SNUPN: variants seen among roughly 807,000 people sequenced by gnomAD.
SNUPN encodes snurportin-1.
Under a neutral mutation model 39.2 loss-of-function variants are expected in SNUPN, and 31 were observed. That is an observed-to-expected ratio of 0.79 (90% confidence interval 0.59 to 1.07). SNUPN has a LOEUF of 1.07. Among genes scored for constraint, SNUPN ranks in the 50% least tolerant of loss-of-function variants. SNUPN has a pLI of 0.00. For synonymous variants in SNUPN, 132 were observed against 159.0 expected (o/e 0.83, Z 1.28); for missense variants, 382 against 434.2 (o/e 0.88, Z 1.07).
At position 75,598,304 on chromosome 15, in the gene SNUPN, G is replaced by T; in HGVS notation, c.*54C>A. 2.8e-6 allele frequency: 4 copies of T among 1,444,130 alleles called. No individual in the cohort carries two copies. Among genetic ancestry groups the T allele is most frequent in the South Asian group, 1.3e-5 (1 of 77,424 alleles). 89.5% of individuals were successfully genotyped at this position (1,444,130 alleles called of 1,614,324 possible). A position where few individuals can be genotyped will look rare whatever the true frequency, so the allele number is the denominator to read the frequency against. On this transcript the variant is annotated 3_prime_UTR_variant, in exon 9 of 9. Transcript: ENST00000308588. The stretch of plus-strand genomic sequence containing the variant: ...CTGTTGTCACTGTCCTCCTCTCCAG[G>T]ATTCCTTTTGGGGCCAGGTACCATC...
At chr15:75,626,336 C>T (rs1893227173), upstream of SNUPN, 1 of 152,172 alleles carries the variant, frequency 6.6e-6, no homozygotes, top group Non-Finnish European at 1.5e-5. Context: ...ATTTAAGTAG[C>T]CAGAGTCCAG....
intron 1 of SNUPN, among the ~76,000 whole-genome samples, chr15:75,622,148 A>T (rs779907859): frequency 7.9e-5 from 12 of 152,234 alleles, no homozygotes; most frequent in Non-Finnish European, 1.6e-4. Context: ...GGATCACTTG[A>T]GGCCAGTAGT....
At chr15:75,603,287 T>TG (rs1197181670) in intron 7 of SNUPN, among the ~76,000 whole-genome samples, 341 of 147,310 alleles carry the variant, frequency 2.3e-3, no homozygotes, top group African/African-American at 8.2e-3. Flanking sequence ...GACCTCGTGA[T>TG]TCGCCTGTCT....
At chr15:75,611,495 G>T (rs1461123462) in intron 3 of SNUPN, among the ~76,000 whole-genome samples, 1 of 151,266 alleles carries the variant, frequency 6.6e-6, no homozygotes. Context: ...CTCGTGATCC[G>T]CCCGCCTCGG....
At position 75,625,712 on chromosome 15, in the gene SNUPN, G is replaced by C. The variant is rs564311032; in HGVS notation, c.-52C>G. On this transcript the variant is annotated 5_prime_UTR_variant, in exon 1 of 9. Transcript: ENST00000308588. ...ACGCGCCGCCGCCACCGGGGCCGAC[G>C]AATCACCTGCCCTGGGAAGCTAGGT... 1 of 152,190 alleles carries C rather than the reference G, an allele frequency of 6.6e-6. No individual in the cohort carries two copies. Among genetic ancestry groups the C allele is most frequent in the Non-Finnish European group, 1.5e-5 (1 of 68,118 alleles). 9.4% of individuals were successfully genotyped at this position (152,190 alleles called of 1,614,324 possible).
intron 7 of SNUPN, among the ~76,000 whole-genome samples, chr15:75,603,977 C>T (rs570820852): frequency 2.0e-4 from 30 of 152,188 alleles, no homozygotes; most frequent in African/African-American, 6.7e-4. Context: ...ATATCTACTT[C>T]GTAGGGTTAC....
intron 3 of SNUPN, among the ~76,000 whole-genome samples, chr15:75,611,886 T>A (rs1005698229): frequency 6.6e-6 from 1 of 152,084 alleles, no homozygotes; most frequent in Non-Finnish European, 1.5e-5. Context: ...AGCATTTCTG[T>A]TGAGCTACTC....
chr15:75,619,998 C>T (rs1402285911), intron 2 of SNUPN, among the ~76,000 whole-genome samples: 1 of 152,188 alleles, frequency 6.6e-6, no homozygotes, highest in African/African-American at 2.4e-5. Flanking sequence ...ATCCACCCAC[C>T]TCGGCCACCC....
intron 5 of SNUPN, 118 bp downstream of exon 5, chr15:75,609,440 C>T (rs113389510): frequency 3.6e-5 from 26 of 731,670 alleles, no homozygotes; most frequent in East Asian, 1.0e-4. Flanking sequence ...CCACCCGCCT[C>T]GGCCTCCCAA....
chr15:75,622,146 T>C (rs747772849), intron 1 of SNUPN, among the ~76,000 whole-genome samples: 1 of 152,234 alleles, frequency 6.6e-6, no homozygotes, highest in Non-Finnish European at 1.5e-5. Flanking sequence ...GAGGATCACT[T>C]GAGGCCAGTA....
chr15:75,600,902 G>A (rs1366277627), intron 8 of SNUPN: 3 of 427,240 alleles, frequency 7.0e-6, no homozygotes, highest in Non-Finnish European at 1.3e-5. Flanking sequence ...TGTAAGATGA[G>A]GGAGTTGGAC....
chr15:75,617,398 G>A lies in SNUPN; in HGVS notation c.303+10C>T, dbSNP rs778092044. 4.3e-6 allele frequency: 7 copies of A among 1,612,150 alleles called. No individual in the cohort carries two copies. The highest frequency in any genetic ancestry group is 5.1e-6 in the Non-Finnish European group (6 of 1,179,274). Reference sequence around the variant, plus strand: ...GATTAGCTGGGTCTCATCTTCTCTGGACCACTTACTTGATTAGCATAGTGT... The same window carrying A: ...GATTAGCTGGGTCTCATCTTCTCTGAACCACTTACTTGATTAGCATAGTGT... On this transcript the variant is annotated intron_variant, in intron 3 of 8. Transcript: ENST00000308588.
At chr15:75,605,305 ATTTTTTTTT>A (rs372246427) in intron 6 of SNUPN, 78 bp from the exon 7 acceptor site, 3 of 541,060 alleles carry the variant, frequency 5.5e-6, no homozygotes, top group Admixed American at 7.3e-5. Context: ...ACCCCATGCT[ATTTTTTTTT>A]TTTTTTTTTT....
Position 75,610,886 on chromosome 15 carries a change from T to C in SNUPN, c.304-892A>G, listed in dbSNP as rs563954168. Reference sequence around the variant, plus strand: ...TTCCATCTGTAAAGACTTTGTCCCATGGGCTGGGCGAGGTGGCTCACGCCT... The same window carrying C: ...TTCCATCTGTAAAGACTTTGTCCCACGGGCTGGGCGAGGTGGCTCACGCCT... On this transcript the variant is annotated intron_variant, in intron 3 of 8. Coordinates refer to ENST00000308588, the MANE Select transcript of SNUPN (RefSeq NM_005701.4). 5.9e-5 allele frequency among the ~76,000 whole-genome samples: 9 copies of C among 152,264 alleles called. No individual in the cohort carries two copies. In the East Asian group the frequency reaches 1.7e-3, roughly 29 times the overall value.
chr15:75,616,353 G>A (rs926126840), intron 3 of SNUPN, among the ~76,000 whole-genome samples: 15 of 151,976 alleles, frequency 9.9e-5, no homozygotes, highest in African/African-American at 3.1e-4. Flanking sequence ...AGCTACTCGG[G>A]AGGCTGAAAC....
Position 75,607,416 on chromosome 15 carries a change from C to A in SNUPN, c.503-103G>T, listed in dbSNP as rs906244568. 6 of 755,936 alleles carry A rather than the reference C, an allele frequency of 7.9e-6. No homozygotes were observed. In the African/African-American group the frequency reaches 1.0e-4, roughly 13 times the overall value. 46.8% of individuals were successfully genotyped at this position (755,936 alleles called of 1,614,324 possible). On this transcript the variant is annotated intron_variant, in intron 5 of 8. Transcript: ENST00000308588. ...ATCCCAGAGGCTTGAGTCCAACAAT[C>A]CTCAGTGCTTGCAGCAGTCACTGGC...
chr15:75,600,239 T>G (rs1350390656), intron 8 of SNUPN, among the ~76,000 whole-genome samples: 2 of 151,620 alleles, frequency 1.3e-5, no homozygotes, highest in African/African-American at 4.8e-5. Context: ...ACAAGACTGT[T>G]GAGGACTGGG....
In SNUPN at chr15:75,620,922, G is replaced by A. The variant is rs145457423; in HGVS notation, c.130C>T (p.Arg44Cys). 6.7e-5 allele frequency: 108 copies of A among 1,613,412 alleles called. No individual in the cohort carries two copies. Among genetic ancestry groups the A allele is most frequent in the Non-Finnish European group, 8.5e-5 (100 of 1,179,888 alleles). Residue 44 changes from arginine to cysteine, a missense_variant, in exon 2 of 9, where the codon CGC becomes TGC. Transcript: ENST00000308588. ...TTCTGCAGTTCCAGTAACCTCCGGC[G>A]GCGCTCACTCTGCTCCAAGGAACTG... is the stretch of plus-strand genomic sequence containing the variant. ...KYSSLEQSER[R>C]RRLLELQKSK...
chr15:75,603,469 T>G (rs1745133462), intron 7 of SNUPN, among the ~76,000 whole-genome samples: 1 of 147,678 alleles, frequency 6.8e-6, no homozygotes, highest in Non-Finnish European at 1.5e-5. Flanking sequence ...ACACCATCCT[T>G]GCTAACACAG....
Sources: allele counts gnomAD v4.1 joint callset (sites outside exome capture counted in the v4.1 genomes callset), GRCh38; gene constraint gnomAD v4.1.1; transcripts MANE v1.5; gene names NCBI Gene and HGNC (gene_info 2026-07-23, HGNC 2026-07-21).